The following TCF12 variants were observed in gnomAD, a reference collection of about 807,000 sequenced individuals.
The protein encoded by TCF12 is transcription factor 12.
TCF12 carries 45 observed loss-of-function variants against 86.0 expected under a neutral mutation model. That is an observed-to-expected ratio of 0.52 (90% CI 0.41 to 0.67). The LOEUF is 0.67. Among genes scored for constraint, TCF12 ranks in the 30% least tolerant of loss-of-function variants. The pLI is 0.00. For missense variants in TCF12, 881 were observed against 859.9 expected, an observed-to-expected ratio of 1.02 and a Z score of -0.31; for synonymous variants, 330 against 299.6, an observed-to-expected ratio of 1.10 and a Z score of -1.05.
At chr15:57,270,424 T>C (rs2061081683) in intron 18 of TCF12, among the ~76,000 whole-genome samples, 1 of 152,228 alleles carries the variant, frequency 6.6e-6, no homozygotes, top group Admixed American at 6.5e-5. Context: ...ATTTAAGGTC[T>C]TCTCTATGCT....
chr15:57,243,675 G>A (rs1013855642), intron 13 of TCF12, 125 bp downstream of exon 13: 1 of 775,546 alleles, frequency 1.3e-6, no homozygotes, highest in Non-Finnish European at 2.1e-6. Context: ...CTATAAGAAA[G>A]TGTGTAAAGA....
chr15:56,925,685 T>C (rs1017645427), intron 3 of TCF12, among the ~76,000 whole-genome samples: 5 of 152,338 alleles, frequency 3.3e-5, no homozygotes, highest in African/African-American at 1.2e-4. Flanking sequence ...AGAAAGGCTC[T>C]CCTGAAAAAG....
intron 3 of TCF12, among the ~76,000 whole-genome samples, chr15:57,052,670 T>C (rs998495530): frequency 6.6e-6 from 1 of 151,388 alleles, no homozygotes; most frequent in Non-Finnish European, 1.5e-5. Context: ...AAAACAAAAC[T>C]ATATCTGCTA....
intron 8 of TCF12, among the ~76,000 whole-genome samples, chr15:57,211,649 A>G (rs545646903): frequency 1.3e-5 from 2 of 152,274 alleles, no homozygotes; most frequent in Admixed American, 6.5e-5. Context: ...TCTTGCAGGT[A>G]TGATTATAAA....
Position 56,918,651 on chromosome 15 carries a change from G to A in TCF12, c.-278G>A, listed in dbSNP as rs2059606542. 1 of 191,500 alleles carries A rather than the reference G, an allele frequency of 5.2e-6. No homozygotes were observed. The highest frequency in any genetic ancestry group is 1.1e-5 in the Non-Finnish European group (1 of 90,874). 11.9% of individuals were successfully genotyped at this position (191,500 alleles called of 1,614,324 possible). On this transcript the variant is annotated 5_prime_UTR_variant, in exon 1 of 21. Coordinates refer to ENST00000333725, the MANE Select transcript of TCF12 (RefSeq NM_207037.2). ...GCGGAGGGATCCGGAGGCGAGCCGA[G>A]CGCGGTGGTGAGGCCGCCTCAGCGA... is the stretch of plus-strand genomic sequence containing the variant.
chr15:57,283,610 T>G (rs765275714), intron 20 of TCF12, among the ~76,000 whole-genome samples: 4 of 152,238 alleles, frequency 2.6e-5, no homozygotes, highest in Non-Finnish European at 4.4e-5. Context: ...TGTAGTTTTT[T>G]TCCCAATTTT....
chr15:57,059,933 T>C (rs2068334481), intron 3 of TCF12, among the ~76,000 whole-genome samples: 2 of 152,114 alleles, frequency 1.3e-5, no homozygotes, highest in South Asian at 2.1e-4. Context: ...TAGTTTTTGA[T>C]TGACACTAGA....
At chr15:56,955,648 G>C (rs2061478628) in intron 3 of TCF12, among the ~76,000 whole-genome samples, 1 of 152,182 alleles carries the variant, frequency 6.6e-6, no homozygotes, top group Non-Finnish European at 1.5e-5. Context: ...CTTGTTTTAT[G>C]GTTTGAAATA....
At chr15:57,214,140 G>T (rs2058233857) in intron 8 of TCF12, 1 of 152,198 alleles carries the variant, frequency 6.6e-6, no homozygotes, top group African/African-American at 2.4e-5. Context: ...AGAGATGCAG[G>T]GGCAGGGGGA....
intron 3 of TCF12, among the ~76,000 whole-genome samples, chr15:56,951,787 C>T (rs1336662219): frequency 6.6e-6 from 1 of 152,080 alleles, no homozygotes; most frequent in African/African-American, 2.4e-5. Context: ...GTAGCTGGGA[C>T]TACAGGAATG....
At chr15:57,191,293 A>G (rs965947393) in intron 6 of TCF12, among the ~76,000 whole-genome samples, 7 of 152,124 alleles carry the variant, frequency 4.6e-5, no homozygotes, top group Non-Finnish European at 7.4e-5. Context: ...GGGAGACCCT[A>G]TCTCTACAAA....
At chr15:57,067,401 G>A (rs1174599898) in intron 4 of TCF12, among the ~76,000 whole-genome samples, 7 of 151,418 alleles carry the variant, frequency 4.6e-5, no homozygotes, top group Non-Finnish European at 8.8e-5. Context: ...TTAGCCGGGC[G>A]TAGTGGTGGG....
Position 56,940,736 on chromosome 15 carries a change from C to T in TCF12, c.148+19638C>T, listed in dbSNP as rs2439921. The stretch of plus-strand genomic sequence containing the variant: ...CCCCTTCCTATCCCCTTCTCTCCCC[C>T]CCCTTCTCCTCCTTCTCCTTCTCCT... On this transcript the variant is annotated intron_variant, in intron 3 of 20. Transcript: ENST00000333725. Among the ~76,000 whole-genome samples, 18 of 109,118 alleles carry T rather than the reference C, an allele frequency of 1.6e-4. No individual in the cohort carries two copies. In the South Asian group the frequency reaches 5.8e-3, roughly 35 times the overall value. 71.6% of individuals were successfully genotyped at this position (109,118 alleles called of 152,430 possible).
intron 3 of TCF12, among the ~76,000 whole-genome samples, chr15:56,931,232 CTGAG>C (rs1206544989): frequency 6.6e-6 from 1 of 152,022 alleles, no homozygotes. Flanking sequence ...GCTTTTCAGG[CTGAG>C]TTTTATTCTT....
At chr15:57,022,852 A>T (rs1386878474) in intron 3 of TCF12, among the ~76,000 whole-genome samples, 5 of 152,096 alleles carry the variant, frequency 3.3e-5, no homozygotes, top group Non-Finnish European at 4.4e-5. Context: ...GGTCAGACAG[A>T]TCTTTTCTTG....
At chr15:57,112,561 A>C (rs143934362) in intron 5 of TCF12, among the ~76,000 whole-genome samples, 167 of 152,342 alleles carry the variant, frequency 1.1e-3, no homozygotes, top group African/African-American at 3.9e-3. Context: ...TTGAGGTTCC[A>C]TCCTTCCAGC....
chr15:57,141,406 G>A (rs1596774913), intron 5 of TCF12, among the ~76,000 whole-genome samples: 1 of 152,178 alleles, frequency 6.6e-6, no homozygotes. Flanking sequence ...CTGGAGTGCA[G>A]TGTCACGATC....
At chr15:57,216,563 TAAA>T (rs5812872) in intron 8 of TCF12, among the ~76,000 whole-genome samples, 20 of 129,054 alleles carry the variant, frequency 1.5e-4, no homozygotes, top group South Asian at 2.5e-4. Flanking sequence ...CATGTTCCTT[TAAA>T]AAAAAAAAAA....
intron 9 of TCF12, 111 bp from the exon 10 acceptor site, chr15:57,232,180 G>T: frequency 8.3e-7 from 1 of 1,211,266 alleles, no homozygotes; most frequent in East Asian, 2.4e-5. Context: ...GACTAGGTTG[G>T]AAAAGGGAGG....
Sources: gnomAD v4.1 joint callset for allele counts (sites outside exome capture counted in the v4.1 genomes callset) on GRCh38, gnomAD v4.1.1 for gene constraint, MANE v1.5 for transcripts, NCBI Gene and HGNC (gene_info 2026-07-23, HGNC 2026-07-21) for gene names.